The following SLIT3 variants were observed in gnomAD, a reference collection of about 807,000 sequenced individuals.
SLIT3 encodes the protein slit guidance ligand 3.
Under a neutral mutation model 184.0 loss-of-function variants are expected in SLIT3, and 68 were observed. The observed-to-expected ratio is 0.37, with a 90% CI of 0.30 to 0.45. SLIT3 has a LOEUF of 0.45. SLIT3 is among the 20% of genes least tolerant of loss of function. SLIT3 has a pLI of 1.00. For synonymous variants in SLIT3, 831 were observed against 828.6 expected (o/e 1.00, Z -0.05); for missense variants, 1,707 against 2,026.0 (o/e 0.84, Z 3.02).
chr5:169,111,248 G>T (rs1760398350), intron 4 of SLIT3, among the ~76,000 whole-genome samples: 1 of 152,202 alleles, frequency 6.6e-6, no homozygotes, highest in Non-Finnish European at 1.5e-5. Context: ...CTCCAGAACT[G>T]TGAGACTATA....
chr5:169,094,357 G>T (rs1210002782), intron 4 of SLIT3, among the ~76,000 whole-genome samples: 1 of 152,218 alleles, frequency 6.6e-6, no homozygotes, highest in Non-Finnish European at 1.5e-5. Flanking sequence ...GGCCAGGTGT[G>T]TTGGCTCACG....
At chr5:168,825,237 C>T (rs1757660087) in intron 6 of SLIT3, among the ~76,000 whole-genome samples, 1 of 152,088 alleles carries the variant, frequency 6.6e-6, no homozygotes, top group Non-Finnish European at 1.5e-5. Context: ...TACTCCAACC[C>T]CCATGGAAAT....
chr5:169,044,807 T>C (rs1473865154), intron 4 of SLIT3, among the ~76,000 whole-genome samples: 1 of 152,190 alleles, frequency 6.6e-6, no homozygotes, highest in African/African-American at 2.4e-5. Flanking sequence ...AGAGAATGTC[T>C]CTAAACAGTG....
chr5:168,818,267 G>C (rs549896895), intron 7 of SLIT3, among the ~76,000 whole-genome samples: 12 of 152,270 alleles, frequency 7.9e-5, no homozygotes, highest in African/African-American at 2.9e-4. Context: ...TTCCCCCTCT[G>C]GTAGTTGTGG....
intron 14 of SLIT3, among the ~76,000 whole-genome samples, chr5:168,770,639 A>G (rs73308245): frequency 0.093 from 13,581 of 146,516 alleles, 644 homozygotes; most frequent in Admixed American, 0.11. Flanking sequence ...TTTAGGAATA[A>G]TCTTTCGCTT....
chr5:169,103,220 C>T (rs1002978174), intron 4 of SLIT3, among the ~76,000 whole-genome samples: 4 of 152,112 alleles, frequency 2.6e-5, no homozygotes, highest in African/African-American at 7.2e-5. Flanking sequence ...CAAAATAGCT[C>T]GGAAATAGTG....
At chr5:168,951,781 C>T (rs1011222622) in intron 4 of SLIT3, among the ~76,000 whole-genome samples, 2 of 152,172 alleles carry the variant, frequency 1.3e-5, no homozygotes, top group Non-Finnish European at 2.9e-5. Flanking sequence ...GGCCAAGGCT[C>T]ATCTGTTCCT....
At chr5:168,764,266 T>G (rs1429099832) in intron 14 of SLIT3, among the ~76,000 whole-genome samples, 1 of 152,218 alleles carries the variant, frequency 6.6e-6, no homozygotes, top group Non-Finnish European at 1.5e-5. Context: ...GGCCATTTAC[T>G]GAACATATAC....
chr5:168,800,548 T>C (rs1057372412), intron 9 of SLIT3, among the ~76,000 whole-genome samples: 2 of 152,096 alleles, frequency 1.3e-5, no homozygotes, highest in African/African-American at 2.4e-5. Context: ...GATCACACCA[T>C]TGCACTCTAG....
At chr5:169,049,158 C>T (rs116561206) in intron 4 of SLIT3, among the ~76,000 whole-genome samples, 156 of 152,166 alleles carry the variant, frequency 1.0e-3, no homozygotes, top group Non-Finnish European at 1.7e-3. Flanking sequence ...CAAATACAAA[C>T]GTGTAGAGTT....
At chr5:168,838,885 AT>A (rs985740015) in intron 6 of SLIT3, among the ~76,000 whole-genome samples, 40 of 152,014 alleles carry the variant, frequency 2.6e-4, no homozygotes, top group African/African-American at 9.2e-4. Context: ...TAACTCTTCA[AT>A]CTCTCCTCTC....
In SLIT3 at chr5:168,703,692, G is replaced by A. The variant is rs117373799; in HGVS notation, c.2845-3013C>T. 3.9e-3 allele frequency among the ~76,000 whole-genome samples: 586 copies of A among 152,068 alleles called. 22 individuals are homozygous for A. In the East Asian group the frequency reaches 0.095, roughly 25 times the overall value. ...CTGGGGGCTGGGCGCAGTGCCTCACGCCTATAATCCCAGCACTTTGGGAGG... is the reference window on the plus strand; with the variant it reads ...CTGGGGGCTGGGCGCAGTGCCTCACACCTATAATCCCAGCACTTTGGGAGG... On this transcript the variant is annotated intron_variant, in intron 26 of 35. Coordinates refer to ENST00000519560, the MANE Select transcript of SLIT3 (RefSeq NM_003062.4).
At chr5:169,254,378 G>C (rs1417348829) in intron 1 of SLIT3, among the ~76,000 whole-genome samples, 1 of 152,178 alleles carries the variant, frequency 6.6e-6, no homozygotes, top group African/African-American at 2.4e-5. Context: ...GATGGGTTCT[G>C]AACTGTCAGC....
At chr5:168,952,534 A>AAAAAAAG (rs1554084469) in intron 4 of SLIT3, among the ~76,000 whole-genome samples, 3 of 60,306 alleles carry the variant, frequency 5.0e-5, no homozygotes, top group African/African-American at 2.2e-4. Context: ...ATGCCAAAAA[A>AAAAAAAG]AAAAAAAAAA....
chr5:168,683,787 C>T (rs1688896795), intron 32 of SLIT3, among the ~76,000 whole-genome samples, 179 bp downstream of exon 32: 1 of 152,194 alleles, frequency 6.6e-6, no homozygotes, highest in Admixed American at 6.5e-5. Flanking sequence ...TCTGACACGC[C>T]TTTCTCCCTC....
chr5:169,122,284 A>T (rs1760910337), intron 4 of SLIT3, among the ~76,000 whole-genome samples: 1 of 152,218 alleles, frequency 6.6e-6, no homozygotes. Context: ...AGGAGAACCA[A>T]GAATAACTAT....
In SLIT3 at chr5:168,753,002, G is replaced by A. The variant is rs780731298; in HGVS notation, c.1926C>T (p.Thr642=). 6.2e-7 allele frequency: 1 copy of A among 1,614,104 alleles called. No homozygotes were observed. Among genetic ancestry groups the A allele is most frequent in the Admixed American group, 1.7e-5 (1 of 60,028 alleles). ...TGGTGAAGGCCCCAGGGGTGATGGT[G>A]GTGATCCGATTGTCATAGAGGGACA... ...RLLSLYDNRI[T]TITPGAFTTL... The change falls in exon 18 of 36, where the codon ACC becomes ACT. Residue 642 remains threonine, a synonymous_variant. Coordinates refer to ENST00000519560, the MANE Select transcript of SLIT3 (RefSeq NM_003062.4).
intron 1 of SLIT3, among the ~76,000 whole-genome samples, chr5:169,299,589 C>G (rs1767617678): frequency 6.6e-6 from 1 of 152,142 alleles, no homozygotes; most frequent in African/African-American, 2.4e-5. Context: ...TCCCTTACCC[C>G]ACCCCAACTG....
chr5:168,900,191 A>G (rs1760816584), intron 4 of SLIT3, among the ~76,000 whole-genome samples: 1 of 152,230 alleles, frequency 6.6e-6, no homozygotes, highest in East Asian at 1.9e-4. Flanking sequence ...GTTGGTGGGA[A>G]TGTAAATTAG....
Sources: allele counts gnomAD v4.1 joint callset (sites outside exome capture counted in the v4.1 genomes callset), GRCh38; gene constraint gnomAD v4.1.1; transcripts MANE v1.5; gene names NCBI Gene and HGNC (gene_info 2026-07-23, HGNC 2026-07-21).